Variants in AOPEP observed in about 807,000 individuals in gnomAD.
AOPEP encodes the protein aminopeptidase O (putative).
A neutral mutation model predicts 98.1 loss-of-function variants in AOPEP; 77 were observed. The ratio of observed to expected loss-of-function variants is 0.78; its 90% CI spans 0.65 to 0.95. AOPEP has a LOEUF of 0.95. Among genes scored for constraint, AOPEP ranks in the 40% least tolerant of loss-of-function variants. The pLI is 0.00. For missense variants in AOPEP, 1,024 were observed against 1,024.7 expected (o/e 1.00, Z 0.01); for synonymous variants, 346 against 365.3 (o/e 0.95, Z 0.60).
intron 7 of AOPEP, chr9:94,935,157 C>G (rs1226046939): frequency 6.6e-6 from 1 of 152,146 alleles, no homozygotes; most frequent in African/African-American, 2.4e-5. Flanking sequence ...TTCTCATGAG[C>G]TCTGGTTATT....
At chr9:94,973,372 A>G (rs1217690039) in intron 10 of AOPEP, among the ~76,000 whole-genome samples, 10 of 152,242 alleles carry the variant, frequency 6.6e-5, no homozygotes. Flanking sequence ...AAATACAGGC[A>G]TGGGCAACAC....
At chr9:95,140,814 T>C in the AOPEP span, among the ~76,000 whole-genome samples, 22 of 152,122 alleles carry the variant, frequency 1.4e-4, no homozygotes, top group African/African-American at 4.8e-4. Flanking sequence ...GCATCATAAT[T>C]CAGACAAAAG....
intron 5 of AOPEP, among the ~76,000 whole-genome samples, chr9:94,880,860 T>C (rs1300687764): frequency 6.6e-6 from 1 of 152,212 alleles, no homozygotes; most frequent in Non-Finnish European, 1.5e-5. Context: ...CTGCCTGATA[T>C]TTTCCTTCTG....
chr9:94,978,103 C>T (rs113222764), intron 10 of AOPEP, among the ~76,000 whole-genome samples: 2,562 of 152,248 alleles, frequency 0.017, 77 homozygotes, highest in African/African-American at 0.056. Flanking sequence ...ACTACTTCCC[C>T]GTCTGCAACA....
At chr9:94,867,058 C>T (rs1049451826) in intron 5 of AOPEP, among the ~76,000 whole-genome samples, 2 of 152,160 alleles carry the variant, frequency 1.3e-5, no homozygotes, top group African/African-American at 4.8e-5. Context: ...GAGCTAATGA[C>T]ACATTAGTCC....
At chr9:95,101,206 T>C in the AOPEP span, 2 of 256,070 alleles carry the variant, frequency 7.8e-6, no homozygotes, top group Non-Finnish European at 1.5e-5. Flanking sequence ...TGAGGGACCC[T>C]GACTCCCCTT....
chr9:94,808,996 A>G (rs1001831652), intron 5 of AOPEP, among the ~76,000 whole-genome samples: 4 of 152,226 alleles, frequency 2.6e-5, no homozygotes, highest in African/African-American at 9.6e-5. Context: ...AGAACATCCT[A>G]TTGAAAGCGC....
In AOPEP at chr9:95,087,053, A is replaced by G; in HGVS notation, c.*376A>G. 4.9e-6 allele frequency: 3 copies of G among 609,710 alleles called. No homozygotes were observed. The highest frequency in any genetic ancestry group is 6.2e-6 in the Non-Finnish European group (3 of 486,310). The allele number at this position is 609,710 out of a possible 1,614,324, so 37.8% of individuals were successfully genotyped here. On this transcript the variant is annotated 3_prime_UTR_variant, in exon 17 of 17. Transcript: ENST00000375315. ...TGGATGCGGATATTTCTATAATTCC[A>G]GAAAGTCACACAGCTCCTCTGTATG...
chr9:95,127,194 T>C, the AOPEP span: 1 of 153,068 alleles, frequency 6.5e-6, no homozygotes, highest in African/African-American at 2.4e-5. Context: ...GTTCTGATTA[T>C]TTGAGTCTGC....
chr9:94,778,339 C>G (rs1364108708), intron 3 of AOPEP, among the ~76,000 whole-genome samples: 1 of 152,046 alleles, frequency 6.6e-6, no homozygotes, highest in Non-Finnish European at 1.5e-5. Context: ...ACGATTAATA[C>G]CTGATTGTTC....
intron 11 of AOPEP, chr9:95,004,418 TTC>T (rs2061776532): frequency 2.6e-6 from 1 of 385,740 alleles, no homozygotes; most frequent in African/African-American, 2.1e-5. Flanking sequence ...GGGGCTGGGT[TTC>T]TCTGCGCCCT....
chr9:94,862,382 G>A (rs1292261858), intron 5 of AOPEP, among the ~76,000 whole-genome samples: 2 of 152,100 alleles, frequency 1.3e-5, no homozygotes, highest in Non-Finnish European at 2.9e-5. Context: ...TCAGATGTGG[G>A]GTGAATGGGG....
chr9:94,995,627 A>G (rs2061171932), intron 11 of AOPEP, among the ~76,000 whole-genome samples: 1 of 152,208 alleles, frequency 6.6e-6, no homozygotes, highest in Admixed American at 6.5e-5. Context: ...CAAGGCAGTG[A>G]TGGTAAGAAA....
At chr9:94,766,915 A>G (rs567430817) in intron 2 of AOPEP, among the ~76,000 whole-genome samples, 15 of 152,272 alleles carry the variant, frequency 9.9e-5, no homozygotes, top group African/African-American at 3.4e-4. Context: ...TTGCTCAGCT[A>G]TTGGGCCAGG....
chr9:94,985,615 T>G (rs2060470209), intron 11 of AOPEP, among the ~76,000 whole-genome samples: 1 of 152,242 alleles, frequency 6.6e-6, no homozygotes, highest in Admixed American at 6.5e-5. Context: ...AAACTGATTA[T>G]TTTGCAAATT....
At chr9:94,925,322 CCT>C (rs1436547075) in intron 6 of AOPEP, among the ~76,000 whole-genome samples, 3 of 152,198 alleles carry the variant, frequency 2.0e-5, no homozygotes, top group Non-Finnish European at 4.4e-5. Context: ...CTTTTTTCCC[CCT>C]GTCATCTCTG....
chr9:94,743,887 G>A (rs768913040), intron 1 of AOPEP, among the ~76,000 whole-genome samples: 18 of 152,198 alleles, frequency 1.2e-4, no homozygotes, highest in Admixed American at 1.3e-4. Flanking sequence ...TTGATGCTGC[G>A]GTAGATGTGG....
chr9:94,791,384 C>G (rs947568014), intron 3 of AOPEP, among the ~76,000 whole-genome samples: 5 of 151,828 alleles, frequency 3.3e-5, no homozygotes, highest in African/African-American at 1.2e-4. Context: ...AACTACCTAT[C>G]AGGCTGGGCA....
chr9:94,923,876 C>A, intron 5 of AOPEP, 110 bp from the exon 6 acceptor site: 2 of 613,094 alleles, frequency 3.3e-6, no homozygotes, highest in Non-Finnish European at 5.0e-6. Context: ...CATGATCTAG[C>A]ATGCACATGA....
Sources: gnomAD v4.1 joint callset for allele counts (sites outside exome capture counted in the v4.1 genomes callset) on GRCh38, gnomAD v4.1.1 for gene constraint, MANE v1.5 for transcripts, NCBI Gene and HGNC (gene_info 2026-07-23, HGNC 2026-07-21) for gene names.